The following NPSR1 variants were observed in gnomAD, a reference collection of about 807,000 sequenced individuals.
NPSR1 encodes neuropeptide S receptor.
In NPSR1, 48 loss-of-function variants were observed where a neutral mutation model predicts 46.9. That is an observed-to-expected ratio of 1.02 (90% CI 0.81 to 1.30). The LOEUF (loss-of-function observed/expected upper bound fraction) is 1.30. NPSR1 is among the 50% of genes most tolerant of loss of function. The probability of loss-of-function intolerance (pLI) is 0.00; values close to 1 mark genes in which losing one functional copy is unlikely to be tolerated. For synonymous variants in NPSR1, 176 were observed against 168.1 expected (o/e 1.05, Z -0.36); for missense variants, 450 against 449.5 (o/e 1.00, Z -0.01).
intron 1 of NPSR1, among the ~76,000 whole-genome samples, chr7:34,665,421 G>A (rs1022410595): frequency 1.3e-5 from 2 of 152,166 alleles, no homozygotes; most frequent in East Asian, 1.9e-4. Context: ...AGGGTCGAGG[G>A]TATAATGCAT....
intron 2 of NPSR1, among the ~76,000 whole-genome samples, chr7:34,725,583 A>C (rs1190400996): frequency 6.6e-6 from 1 of 152,236 alleles, no homozygotes; most frequent in Non-Finnish European, 1.5e-5. Flanking sequence ...CTGCTCCTGT[A>C]GTTAAGAACA....
At chr7:34,799,095 T>C (rs1274077066) in intron 3 of NPSR1, among the ~76,000 whole-genome samples, 2 of 151,992 alleles carry the variant, frequency 1.3e-5, no homozygotes, top group Non-Finnish European at 2.9e-5. Flanking sequence ...ATAAAAGAAA[T>C]GATAAAAATT....
intron 4 of NPSR1, among the ~76,000 whole-genome samples, chr7:34,821,970 C>A (rs1312612659): frequency 6.6e-6 from 1 of 152,108 alleles, no homozygotes. Context: ...AGGGGGAGAC[C>A]TGCATCTGGA....
intron 4 of NPSR1, among the ~76,000 whole-genome samples, chr7:34,823,955 C>T (rs1789702628): frequency 2.0e-5 from 3 of 151,684 alleles, no homozygotes; most frequent in Admixed American, 1.3e-4. Context: ...ATACTGGGTT[C>T]GAGATAAAAT....
At chr7:34,824,710 A>G (rs577605953) in intron 4 of NPSR1, among the ~76,000 whole-genome samples, 47 of 146,140 alleles carry the variant, frequency 3.2e-4, no homozygotes, top group African/African-American at 1.2e-3. Context: ...ATCAAGTGGA[A>G]ACTTTGTGGG....
intron 8 of NPSR1, among the ~76,000 whole-genome samples, chr7:34,865,831 C>T (rs1308122430): frequency 6.6e-6 from 1 of 151,624 alleles, no homozygotes; most frequent in Non-Finnish European, 1.5e-5. Flanking sequence ...TTCCAGAGTC[C>T]ATGAAGGGTC....
intron 3 of NPSR1, 63 bp from the exon 4 acceptor site, chr7:34,811,707 T>C: frequency 8.7e-7 from 1 of 1,148,666 alleles, no homozygotes; most frequent in East Asian, 2.4e-5. Flanking sequence ...GTGCTATTCT[T>C]TCCATTATGT....
intron 2 of NPSR1, among the ~76,000 whole-genome samples, chr7:34,699,424 T>G (rs2128694815): frequency 6.6e-6 from 1 of 152,358 alleles, no homozygotes; most frequent in African/African-American, 2.4e-5. Flanking sequence ...ATTTTATAGG[T>G]GTTTTCCTCT....
intron 4 of NPSR1, among the ~76,000 whole-genome samples, chr7:34,819,567 A>G (rs937157650): frequency 2.0e-5 from 3 of 152,248 alleles, no homozygotes; most frequent in African/African-American, 7.2e-5. Flanking sequence ...TATTACTGGT[A>G]TATACCCAAA....
intron 1 of NPSR1, among the ~76,000 whole-genome samples, chr7:34,670,092 A>G (rs1412645793): frequency 6.6e-6 from 1 of 152,212 alleles, no homozygotes; most frequent in Non-Finnish European, 1.5e-5. Flanking sequence ...CAAAACTTCA[A>G]TGTGATTGTT....
chr7:34,749,600 C>G (rs1279391785), intron 2 of NPSR1, among the ~76,000 whole-genome samples: 1 of 152,206 alleles, frequency 6.6e-6, no homozygotes, highest in Non-Finnish European at 1.5e-5. Flanking sequence ...CAATTACACT[C>G]AAAATAATTC....
intron 1 of NPSR1, chr7:34,660,041 T>C (rs183031927): frequency 4.4e-6 from 2 of 450,354 alleles, no homozygotes; most frequent in Admixed American, 2.4e-5. Flanking sequence ...TTTTTGAATA[T>C]AGCACCTACA....
At chr7:34,850,978 A>G (rs990621321), downstream of NPSR1, among the ~76,000 whole-genome samples, 1 of 152,216 alleles carries the variant, frequency 6.6e-6, no homozygotes, top group African/African-American at 2.4e-5. Context: ...GCATAATCCA[A>G]GTGAAATATG....
intron 1 of NPSR1, among the ~76,000 whole-genome samples, chr7:34,672,740 A>G (rs920107235): frequency 1.3e-5 from 2 of 152,180 alleles, no homozygotes; most frequent in Non-Finnish European, 2.9e-5. Flanking sequence ...CTAGTATTAC[A>G]TTCTGTCACT....
chr7:34,791,225 ATATAT>A (rs1032840231), intron 3 of NPSR1, among the ~76,000 whole-genome samples: 13 of 118,102 alleles, frequency 1.1e-4, no homozygotes, highest in East Asian at 4.8e-4. Context: ...GTTATATGTT[ATATAT>A]TATATTATAT....
chr7:34,660,731 C>T (rs538822107), intron 1 of NPSR1, among the ~76,000 whole-genome samples: 70 of 152,320 alleles, frequency 4.6e-4, no homozygotes, highest in African/African-American at 1.6e-3. Context: ...ATTTAATTCT[C>T]ACAATCCATG....
intron 2 of NPSR1, among the ~76,000 whole-genome samples, chr7:34,744,343 T>C (rs1046256581): frequency 6.6e-6 from 1 of 152,168 alleles, no homozygotes; most frequent in East Asian, 1.9e-4. Flanking sequence ...TAAAATTTTA[T>C]GTTTTTATGT....
intron 2 of NPSR1, among the ~76,000 whole-genome samples, chr7:34,690,967 G>A (rs1312259472): frequency 6.6e-6 from 1 of 152,104 alleles, no homozygotes; most frequent in Non-Finnish European, 1.5e-5. Context: ...AATCCTAAGA[G>A]TGCCCAGAGA....
chr7:34,764,186 T>C (rs1440673205), intron 2 of NPSR1, among the ~76,000 whole-genome samples: 1 of 152,224 alleles, frequency 6.6e-6, no homozygotes, highest in Non-Finnish European at 1.5e-5. Context: ...TCAAAATGTT[T>C]TAGGGTAGAT....
Sources: allele counts gnomAD v4.1 joint callset (sites outside exome capture counted in the v4.1 genomes callset), GRCh38; gene constraint gnomAD v4.1.1; transcripts MANE v1.5; gene names NCBI Gene and HGNC (gene_info 2026-07-23, HGNC 2026-07-21).